The following BSCL2 variants were observed in gnomAD, a reference collection of about 807,000 sequenced individuals.
BSCL2 encodes seipin.
A neutral mutation model predicts 57.4 loss-of-function variants in BSCL2; 41 were observed. The ratio of observed to expected loss-of-function variants is 0.71; its 90% confidence interval spans 0.56 to 0.93. BSCL2 has a LOEUF of 0.93. Ranked by LOEUF, BSCL2 falls within the 40% of genes least tolerant of loss-of-function variation. The pLI is 0.00. For synonymous variants in BSCL2, 237 were observed against 227.3 expected, an observed-to-expected ratio of 1.04 and a Z score of -0.38; for missense variants, 539 against 586.7, an observed-to-expected ratio of 0.92 and a Z score of 0.84.
intron 3 of BSCL2, among the ~76,000 whole-genome samples, chr11:62,696,278 T>TTTTTTTTG (rs1554984017): frequency 1.5e-5 from 2 of 136,228 alleles, no homozygotes; most frequent in Non-Finnish European, 3.1e-5. Context: ...CATAAACTTT[T>TTTTTTTTG]TGTGTGTGTG....
chr11:62,706,107 C>CT, intron 1 of BSCL2: 1 of 606,070 alleles, frequency 1.6e-6, no homozygotes, highest in Non-Finnish European at 2.1e-6. Context: ...ACCGACACGG[C>CT]TACACCCCAC....
rs1051790338 is a variant in BSCL2, at chr11:62,696,704, T to C, written c.487-1993A>G. ...TCCTGAGTAGCTGGAACTACAGGCA[T>C]GTGCCACCACACCCAGCTAATTTTT... is the stretch of plus-strand genomic sequence containing the variant. On this transcript the variant is annotated intron_variant, in intron 3 of 10. Coordinates refer to ENST00000360796, the MANE Select transcript of BSCL2 (RefSeq NM_001122955.4). Among the ~76,000 whole-genome samples, 3 of 151,980 alleles carry C rather than the reference T, an allele frequency of 2.0e-5. No homozygotes were observed. In the East Asian group the frequency reaches 5.9e-4, roughly 30 times the overall value.
Position 62,705,433 on chromosome 11 carries a change from A to C in BSCL2, c.272T>G (p.Leu91Arg). ...GAAGAGCACCCCAAACTGCAGCAGCAGCCTGCGGGCACGGCCTGCCAAGAC... is the reference window on the plus strand; with the variant it reads ...GAAGAGCACCCCAAACTGCAGCAGCCGCCTGCGGGCACGGCCTGCCAAGAC... ...GQVLAGRARR[L>R]LLQFGVLFCT... The change falls in exon 2 of 11, where the codon CTG (leucine) becomes CGG (arginine). Residue 91 changes from leucine (L) to arginine (R), a missense_variant. Around this residue, in one of 3 missense-constraint regions of BSCL2, gnomAD observed 218 missense variants for 224.8 expected, o/e 0.97. Transcript: ENST00000360796. The C allele has an allele frequency of 6.2e-7, 1 of 1,614,254 alleles. No homozygotes were observed.
intron 2 of BSCL2, among the ~76,000 whole-genome samples, chr11:62,703,150 C>CA (rs35672317): frequency 0.034 from 4,762 of 139,028 alleles, 119 homozygotes; most frequent in East Asian, 0.13. Context: ...AACTCCATCT[C>CA]AAAAAAAAAA....
At chr11:62,704,706 A>C (rs1214057771) in intron 2 of BSCL2, among the ~76,000 whole-genome samples, 1 of 152,222 alleles carries the variant, frequency 6.6e-6, no homozygotes, top group Non-Finnish European at 1.5e-5. Context: ...ACACTGCACC[A>C]CTGCACTCCA....
At chr11:62,692,236 G>A in intron 6 of BSCL2, 140 bp downstream of exon 6, 1 of 834,996 alleles carries the variant, frequency 1.2e-6, no homozygotes, top group Non-Finnish European at 2.0e-6. Flanking sequence ...CCAATATGTG[G>A]CAGCTTTGAG....
chr11:62,702,938 G>A (rs1224364221), intron 2 of BSCL2, among the ~76,000 whole-genome samples: 3 of 152,016 alleles, frequency 2.0e-5, no homozygotes, highest in Non-Finnish European at 4.4e-5. Context: ...ATCACCTGAG[G>A]TCAGGAGTTT....
chr11:62,702,351 C>A (rs1037290026), intron 3 of BSCL2, 117 bp downstream of exon 3: 11 of 936,960 alleles, frequency 1.2e-5, no homozygotes, highest in Non-Finnish European at 1.8e-5. Flanking sequence ...CAGGCGTGAG[C>A]CACCGTGCCC....
upstream of BSCL2, chr11:62,708,877 G>A (rs1482948400): frequency 1.6e-6 from 2 of 1,220,324 alleles, no homozygotes; most frequent in Non-Finnish European, 2.4e-6. Context: ...AGTAATTGTT[G>A]TGAGCCCCTT....
chr11:62,708,605 C>A, upstream of BSCL2: 1 of 1,586,812 alleles, frequency 6.3e-7, no homozygotes, highest in Non-Finnish European at 8.6e-7. Flanking sequence ...CAAAAGAGAA[C>A]CCATTTGGGG....
intron 3 of BSCL2, among the ~76,000 whole-genome samples, chr11:62,701,708 T>TA: frequency 1.3e-5 from 2 of 151,984 alleles, no homozygotes; most frequent in East Asian, 3.9e-4. Context: ...GGCGCGCTCC[T>TA]GTAGTGCCAG....
intron 3 of BSCL2, among the ~76,000 whole-genome samples, chr11:62,697,976 C>T (rs1201176981): frequency 1.3e-5 from 2 of 149,126 alleles, no homozygotes; most frequent in African/African-American, 2.5e-5. Context: ...GGCGCAATCT[C>T]GGCTCACTGT....
chr11:62,700,754 A>T (rs1389989137), intron 3 of BSCL2, among the ~76,000 whole-genome samples: 1 of 152,180 alleles, frequency 6.6e-6, no homozygotes, highest in Non-Finnish European at 1.5e-5. Flanking sequence ...GGAGTTTTAG[A>T]CCAGCATGAC....
At position 62,707,309 on chromosome 11, in the gene BSCL2, G is replaced by T; in HGVS notation, c.-114C>A. 1.1e-6 allele frequency: 1 copy of T among 906,660 alleles called. No homozygotes were observed. Among genetic ancestry groups the T allele is most frequent in the Non-Finnish European group, 1.8e-6 (1 of 562,400 alleles). 56.2% of individuals were successfully genotyped at this position (906,660 alleles called of 1,614,324 possible). Reference sequence around the variant, plus strand: ...TGGCGCATCACATTTTCCTGGATATGGAAAATGGAGGGTCCCTGGGAGAGA... The same window carrying T: ...TGGCGCATCACATTTTCCTGGATATTGAAAATGGAGGGTCCCTGGGAGAGA... On this transcript the variant is annotated 5_prime_UTR_variant, in exon 1 of 11. Coordinates refer to ENST00000360796, the MANE Select transcript of BSCL2 (RefSeq NM_001122955.4).
intron 1 of BSCL2, 59 bp downstream of exon 1, chr11:62,707,050 C>T: frequency 6.9e-7 from 1 of 1,448,726 alleles, no homozygotes; most frequent in South Asian, 1.2e-5. Flanking sequence ...CCGCCCCCTT[C>T]ACGCCAGCCC....
rs767820877 is a variant in BSCL2, at chr11:62,691,114, G to A, written c.1033C>T (p.Arg345Trp). 1.2e-5 allele frequency: 20 copies of A among 1,614,078 alleles called. No homozygotes were observed. Among genetic ancestry groups the A allele is most frequent in the East Asian group, 6.7e-5 (3 of 44,894 alleles). The change falls in exon 8 of 11, where the codon CGG (arginine) becomes TGG (tryptophan). Residue 345 changes from arginine (R) to tryptophan (W), a missense_variant. Around this residue, in one of 3 missense-constraint regions of BSCL2, gnomAD observed 248 missense variants for 239.9 expected, o/e 1.03. Coordinates refer to ENST00000360796, the MANE Select transcript of BSCL2 (RefSeq NM_001122955.4). Reference protein sequence around the residue: ...QVNIRKRDNSRKEVQRRISAH... With the variant: ...QVNIRKRDNSWKEVQRRISAH... ...GAGATCCTTCGTTGGACTTCCTTCCGGGAATTGTCTCTTTTTCGGATGTTA... is the reference window on the plus strand; with the variant it reads ...GAGATCCTTCGTTGGACTTCCTTCCAGGAATTGTCTCTTTTTCGGATGTTA...
intron 4 of BSCL2, 104 bp from the exon 5 acceptor site, chr11:62,692,901 T>G: frequency 6.7e-7 from 1 of 1,485,234 alleles, no homozygotes; most frequent in Non-Finnish European, 9.2e-7. Flanking sequence ...GGCGGCTTCT[T>G]CCTCAGGTCC....
At position 62,690,395 on chromosome 11, in the gene BSCL2, C is replaced by A. The variant is rs143017094; in HGVS notation, c.1361G>T (p.Arg454Leu). 3.7e-6 allele frequency: 6 copies of A among 1,614,082 alleles called. No individual in the cohort carries two copies. The highest frequency in any genetic ancestry group is 5.1e-6 in the Non-Finnish European group (6 of 1,180,028). The change falls in exon 11 of 11, where the codon CGA (arginine) becomes CTA (leucine). Residue 454 changes from arginine to leucine, a missense_variant. Physicochemically the swap from Arg to Leu is moderately radical, Grantham distance 102. This residue lies in a region of BSCL2 where 248 missense variants were observed against 239.9 expected (regional missense o/e 1.03). Coordinates refer to ENST00000360796, the MANE Select transcript of BSCL2 (RefSeq NM_001122955.4). ...GSSEPAGGAL[R>L]QRPTCSSS ...GGAACTAGAGCAGGTGGGGCGCTGT[C>A]GGAGAGCACCCCCAGCAGGTTCAGA...
intron 2 of BSCL2, among the ~76,000 whole-genome samples, chr11:62,704,881 A>G (rs1201134858): frequency 1.3e-5 from 2 of 152,158 alleles, no homozygotes; most frequent in African/African-American, 4.8e-5. Flanking sequence ...TCTATTGTGT[A>G]GCCGACTTTC....
Sources: allele counts gnomAD v4.1 joint callset (sites outside exome capture counted in the v4.1 genomes callset), GRCh38; gene constraint gnomAD v4.1.1; regional missense constraint gnomAD v4.1.1; transcripts MANE v1.5; gene names NCBI Gene and HGNC (gene_info 2026-07-23, HGNC 2026-07-21).